The following LTBP1 variants were observed in gnomAD, a reference collection of about 807,000 sequenced individuals.
The protein encoded by LTBP1 is latent-transforming growth factor beta-binding protein 1.
In LTBP1, 129 loss-of-function variants were observed where a neutral mutation model predicts 207.6. The ratio of observed to expected loss-of-function variants is 0.62; its 90% CI spans 0.54 to 0.72. The LOEUF (loss-of-function observed/expected upper bound fraction) is 0.72, where lower values mean the gene tolerates loss of function less well. Ranked by LOEUF, LTBP1 falls within the 30% of genes least tolerant of loss-of-function variation. The probability of loss-of-function intolerance (pLI) is 0.00; values close to 1 mark genes in which losing one functional copy is unlikely to be tolerated. For missense variants in LTBP1, 2,281 were observed against 2,217.2 expected (o/e 1.03, Z -0.58); for synonymous variants, 963 against 833.7 (o/e 1.16, Z -2.67).
At chr2:33,172,348 G>A (rs984621906) in intron 5 of LTBP1, among the ~76,000 whole-genome samples, 5 of 152,106 alleles carry the variant, frequency 3.3e-5, no homozygotes, top group Admixed American at 1.3e-4. Context: ...GGCAGGGGTT[G>A]CAATCCTAGT....
At chr2:33,114,581 A>T (rs2080625215) in intron 4 of LTBP1, among the ~76,000 whole-genome samples, 1 of 152,178 alleles carries the variant, frequency 6.6e-6, no homozygotes, top group African/African-American at 2.4e-5. Flanking sequence ...CCTCCAGAGC[A>T]TGACAATTCT....
At chr2:33,301,675 A>G in intron 22 of LTBP1, 31 bp downstream of exon 22, 1 of 1,547,606 alleles carries the variant, frequency 6.5e-7, no homozygotes, top group South Asian at 1.2e-5. Context: ...CAGAATCATA[A>G]AATGCCCAGA....
intron 2 of LTBP1, among the ~76,000 whole-genome samples, chr2:32,966,607 T>C (rs987767314): frequency 6.6e-6 from 1 of 152,200 alleles, no homozygotes; most frequent in Non-Finnish European, 1.5e-5. Flanking sequence ...TTGGATTTTG[T>C]GAAATGCTTT....
intron 24 of LTBP1, 67 bp downstream of exon 24, chr2:33,315,336 A>G: frequency 6.3e-7 from 1 of 1,591,660 alleles, no homozygotes; most frequent in Non-Finnish European, 8.6e-7. Context: ...TTTCACTTAT[A>G]CAAAGACTTG....
intron 9 of LTBP1, among the ~76,000 whole-genome samples, chr2:33,233,597 T>G (rs915299255): frequency 1.3e-5 from 2 of 152,148 alleles, no homozygotes; most frequent in East Asian, 3.8e-4. Flanking sequence ...AAGTTTATTT[T>G]CATCCTCCCC....
chr2:33,301,509 C>G lies in LTBP1; in HGVS notation c.3359-13C>G. Reference sequence around the variant, plus strand: ...ACCACTTCCACAGTTTCTTTGTATTCTCTTGCTCATAGACATTGATGAATG... The same window carrying G: ...ACCACTTCCACAGTTTCTTTGTATTGTCTTGCTCATAGACATTGATGAATG... On this transcript the variant is annotated splice_polypyrimidine_tract_variant and intron_variant, in intron 21 of 33. Coordinates refer to ENST00000404816, the MANE Select transcript of LTBP1 (RefSeq NM_206943.4). 6.3e-6 allele frequency: 10 copies of G among 1,578,900 alleles called. No individual in the cohort carries two copies. Among genetic ancestry groups the G allele is most frequent in the Non-Finnish European group, 7.7e-6 (9 of 1,165,992 alleles).
At position 33,275,793 on chromosome 2, in the gene LTBP1, C is replaced by G; in HGVS notation, c.2870-8C>G. 1.9e-6 allele frequency: 3 copies of G among 1,613,924 alleles called. No homozygotes were observed. Among genetic ancestry groups the G allele is most frequent in the Non-Finnish European group, 2.5e-6 (3 of 1,179,898 alleles). ...ACAAAACTCAACAATGCTATCTGCT[C>G]TTCGTAGATGTTGACGAATGCCTGA... On this transcript the variant is annotated splice_polypyrimidine_tract_variant and splice_region_variant and intron_variant, in intron 17 of 33. Coordinates refer to ENST00000404816, the MANE Select transcript of LTBP1 (RefSeq NM_206943.4).
intron 5 of LTBP1, among the ~76,000 whole-genome samples, chr2:33,182,892 AG>A (rs1412985321): frequency 6.6e-6 from 1 of 151,516 alleles, no homozygotes; most frequent in Admixed American, 6.6e-5. Context: ...AAAATGTTTT[AG>A]TGTAGGTTAT....
intron 2 of LTBP1, among the ~76,000 whole-genome samples, chr2:32,972,315 T>A (rs1174329323): frequency 6.6e-6 from 1 of 152,042 alleles, no homozygotes; most frequent in African/African-American, 2.4e-5. Context: ...GCTCTGATTT[T>A]GGTTATTTCC....
At chr2:33,309,592 C>T (rs199830616) in intron 23 of LTBP1, 36 bp downstream of exon 23, 299 of 1,593,350 alleles carry the variant, frequency 1.9e-4, no homozygotes, top group Middle Eastern at 8.3e-4. Context: ...TCATTATTTA[C>T]GTAATTCTTC....
At chr2:32,961,421 T>G (rs1437832169) in intron 2 of LTBP1, among the ~76,000 whole-genome samples, 1 of 152,238 alleles carries the variant, frequency 6.6e-6, no homozygotes, top group African/African-American at 2.4e-5. Context: ...AAAAAAATGT[T>G]CAATCCTTTA....
chr2:32,993,337 G>A lies in LTBP1; in HGVS notation c.566-27572G>A, dbSNP rs2148879741. ...GAAAATTGGTGGAGACAGCCTGACA[G>A]ATGATTCCCAGTATCTTAGAGTTCT... is the stretch of plus-strand genomic sequence containing the variant. On this transcript the variant is annotated intron_variant, in intron 2 of 33. Transcript: ENST00000404816. 3.9e-5 allele frequency among the ~76,000 whole-genome samples: 6 copies of A among 152,264 alleles called. 1 individual carries two copies. The highest frequency in any genetic ancestry group is 3.9e-4 in the Admixed American group (6 of 15,288).
chr2:33,081,192 C>A (rs1165695495), intron 3 of LTBP1, among the ~76,000 whole-genome samples: 1 of 151,972 alleles, frequency 6.6e-6, no homozygotes, highest in Non-Finnish European at 1.5e-5. Flanking sequence ...ATGTTTCTTT[C>A]CTCTGGGTAT....
chr2:32,979,051 T>G (rs1023044155), intron 2 of LTBP1, among the ~76,000 whole-genome samples: 4 of 151,964 alleles, frequency 2.6e-5, no homozygotes, highest in African/African-American at 9.6e-5. Flanking sequence ...TTATGTAGTT[T>G]TTTTCATCTT....
intron 2 of LTBP1, among the ~76,000 whole-genome samples, chr2:32,984,973 G>A (rs1430491502): frequency 1.4e-5 from 2 of 143,828 alleles, no homozygotes; most frequent in South Asian, 4.5e-4. Flanking sequence ...ACCAGTTATG[G>A]TCATTTTTTC....
At chr2:33,340,127 G>A (rs577291518) in intron 24 of LTBP1, among the ~76,000 whole-genome samples, 54 of 152,072 alleles carry the variant, frequency 3.6e-4, no homozygotes, top group African/African-American at 1.2e-3. Flanking sequence ...GCGTGGTGGC[G>A]AGCGCCTGTA....
chr2:33,259,690 G>A, intron 13 of LTBP1, 80 bp downstream of exon 13: 1 of 1,344,940 alleles, frequency 7.4e-7, no homozygotes, highest in African/African-American at 1.5e-5. Context: ...GGATTTTTTA[G>A]ACTTAAATAT....
chr2:33,087,084 C>CTTTTT lies in LTBP1; in HGVS notation c.864-23478_864-23474dup, dbSNP rs35334788. On this transcript the variant is annotated intron_variant, in intron 3 of 33. Transcript: ENST00000404816. ...AGCACCAGGCTGTCCCTCCTTTATG[C>CTTTTT]TTTTTTTTTTTTTTTTTTTTTTTTG... Among the ~76,000 whole-genome samples, 641 of 88,810 alleles carry CTTTTT rather than the reference C, an allele frequency of 7.2e-3. 30 individuals are homozygous for CTTTTT. Among genetic ancestry groups the CTTTTT allele is most frequent in the Middle Eastern group, 0.015 (2 of 134 alleles). The allele number at this position is 88,810 out of a possible 152,430, so 58.3% of individuals were successfully genotyped here.
chr2:33,107,495 C>G (rs984068023), intron 3 of LTBP1, among the ~76,000 whole-genome samples: 1 of 151,918 alleles, frequency 6.6e-6, no homozygotes, highest in Non-Finnish European at 1.5e-5. Context: ...AGCAGAGACC[C>G]TGAGTTCTCC....
Sources: allele counts gnomAD v4.1 joint callset (sites outside exome capture counted in the v4.1 genomes callset), GRCh38; gene constraint gnomAD v4.1.1; transcripts MANE v1.5; gene names NCBI Gene and HGNC (gene_info 2026-07-23, HGNC 2026-07-21).